Variants in SHROOM3 observed in about 807,000 individuals in gnomAD.
The protein encoded by SHROOM3 is shroom family member 3.
A neutral mutation model predicts 138.6 loss-of-function variants in SHROOM3; 47 were observed. That is an observed-to-expected ratio of 0.34 (90% CI 0.27 to 0.43). The LOEUF is 0.43. Among genes scored for constraint, SHROOM3 ranks in the 20% least tolerant of loss-of-function variants. SHROOM3 has a pLI of 1.00. For missense variants in SHROOM3, 2,491 were observed against 2,596.5 expected (o/e 0.96, Z 0.88); for synonymous variants, 1,062 against 1,063.3 (o/e 1.00, Z 0.02).
intron 2 of SHROOM3, among the ~76,000 whole-genome samples, chr4:76,608,564 GCA>G (rs1734675136): frequency 2.0e-5 from 3 of 147,768 alleles, no homozygotes; most frequent in Admixed American, 6.8e-5. Flanking sequence ...GCATAGCATA[GCA>G]TAGCATAGCA....
intron 10 of SHROOM3, among the ~76,000 whole-genome samples, chr4:76,777,003 TGTA>T (rs1188881327): frequency 2.6e-5 from 4 of 152,340 alleles, no homozygotes; most frequent in African/African-American, 2.4e-5. Flanking sequence ...ACTGTGGCCT[TGTA>T]GTATAGTTTG....
chr4:76,479,375 G>T (rs993744193), intron 1 of SHROOM3, among the ~76,000 whole-genome samples: 5 of 151,740 alleles, frequency 3.3e-5, no homozygotes, highest in Middle Eastern at 3.4e-3. Flanking sequence ...CAGAAGAAAG[G>T]ATATCAGAGA....
intron 5 of SHROOM3, chr4:76,742,196 C>T (rs1721286622): frequency 2.0e-6 from 1 of 511,716 alleles, no homozygotes; most frequent in Non-Finnish European, 3.5e-6. Context: ...CACCACCTCT[C>T]AATGGAAAAA....
intron 5 of SHROOM3, among the ~76,000 whole-genome samples, chr4:76,747,953 A>C (rs1721496806): frequency 6.6e-6 from 1 of 152,174 alleles, no homozygotes; most frequent in African/African-American, 2.4e-5. Context: ...CTGAGCTGCA[A>C]TTACATACCC....
At chr4:76,555,848 CGGGGTTGGTAGCTT>C in intron 2 of SHROOM3, 85 bp downstream of exon 2, 1 of 1,489,484 alleles carries the variant, frequency 6.7e-7, no homozygotes, top group Admixed American at 1.9e-5. Flanking sequence ...GAAAAGAGCT[CGGGGTTGGTAGCTT>C]GGCTTTAAAC....
chr4:76,764,210 C>T (rs527882854), intron 9 of SHROOM3, among the ~76,000 whole-genome samples: 34 of 152,178 alleles, frequency 2.2e-4, no homozygotes, highest in Middle Eastern at 6.8e-3. Context: ...ATGAAACTTC[C>T]ATTGTCTGAA....
intron 9 of SHROOM3, among the ~76,000 whole-genome samples, chr4:76,760,036 C>A (rs1388162509): frequency 6.6e-6 from 1 of 152,244 alleles, no homozygotes; most frequent in Admixed American, 6.5e-5. Context: ...CTGTTCTCAG[C>A]TGCTGGTTGG....
Position 76,458,245 on chromosome 4 carries a change from A to G in SHROOM3, c.168+22025A>G, listed in dbSNP as rs953702629. Among the ~76,000 whole-genome samples, 3 of 152,204 alleles carry G rather than the reference A, an allele frequency of 2.0e-5. No homozygotes were observed. The East Asian group carries it at 5.8e-4, about 29-fold the overall frequency. ...GTTGCCAAGTAACATGCCTAGTACA[A>G]TCCCAGTTTTATTTACTTACATGTT... On this transcript the variant is annotated intron_variant, in intron 1 of 10. Coordinates refer to ENST00000296043, the MANE Select transcript of SHROOM3 (RefSeq NM_020859.4).
chr4:76,588,372 C>T (rs1238735096), intron 2 of SHROOM3, among the ~76,000 whole-genome samples: 2 of 152,160 alleles, frequency 1.3e-5, no homozygotes, highest in African/African-American at 4.8e-5. Context: ...TAAAAGCCTC[C>T]TTCCAGGAAC....
chr4:76,580,014 G>T (rs1389176537), intron 2 of SHROOM3, among the ~76,000 whole-genome samples: 1 of 152,210 alleles, frequency 6.6e-6, no homozygotes, highest in Non-Finnish European at 1.5e-5. Context: ...TGGCACATGG[G>T]TTTGTTAGTC....
chr4:76,638,028 A>C (rs539857526), intron 2 of SHROOM3, among the ~76,000 whole-genome samples: 1 of 152,198 alleles, frequency 6.6e-6, no homozygotes, highest in Non-Finnish European at 1.5e-5. Flanking sequence ...TGGGGTGACT[A>C]TGAGCTGGAC....
chr4:76,633,432 G>A (rs1283511163), intron 2 of SHROOM3, among the ~76,000 whole-genome samples: 2 of 151,658 alleles, frequency 1.3e-5, no homozygotes, highest in Non-Finnish European at 1.5e-5. Flanking sequence ...CAAGGCAGGC[G>A]GATCACGAGG....
At chr4:76,624,610 C>CT in intron 2 of SHROOM3, among the ~76,000 whole-genome samples, 1 of 152,232 alleles carries the variant, frequency 6.6e-6, no homozygotes, top group South Asian at 2.1e-4. Flanking sequence ...TGGCGACTCT[C>CT]TGTTACGTTT....
chr4:76,667,319 T>C (rs966297816), intron 2 of SHROOM3, among the ~76,000 whole-genome samples: 12 of 152,092 alleles, frequency 7.9e-5, no homozygotes, highest in African/African-American at 2.4e-4. Context: ...TTTTTTCTTT[T>C]GTTTTGTTTC....
chr4:76,436,102 C>G lies in SHROOM3; in HGVS notation c.50C>G (p.Ser17Cys), dbSNP rs772290620. ...CACAAGCCTAGTGCCACATTAAACT[C>G]TAACACGGCCACCAAGGGAAGGTAC... ...DFHKPSATLN[S>C]NTATKGRYIY... The change falls in exon 1 of 11, where the codon TCT becomes TGT. Residue 17 changes from serine (S) to cysteine (C), a missense_variant. By Grantham distance (112) the Ser-to-Cys change is moderately radical. Transcript: ENST00000296043. The G allele has an allele frequency of 1.2e-6, 2 of 1,614,026 alleles. No homozygotes were observed. The highest frequency in any genetic ancestry group is 1.1e-5 in the South Asian group (1 of 91,068).
intron 1 of SHROOM3, among the ~76,000 whole-genome samples, chr4:76,528,009 C>T (rs1732737482): frequency 1.3e-5 from 2 of 152,190 alleles, no homozygotes; most frequent in Admixed American, 6.5e-5. Context: ...ACTACATCTT[C>T]TTAAAAAGTT....
intron 2 of SHROOM3, among the ~76,000 whole-genome samples, chr4:76,631,050 G>A (rs1475576155): frequency 6.6e-6 from 1 of 152,090 alleles, no homozygotes; most frequent in African/African-American, 2.4e-5. Flanking sequence ...AGTCTTATAG[G>A]GGTATGCAGA....
intron 1 of SHROOM3, among the ~76,000 whole-genome samples, chr4:76,538,916 C>G (rs1302348271): frequency 6.6e-6 from 1 of 152,108 alleles, no homozygotes; most frequent in Non-Finnish European, 1.5e-5. Context: ...TGCAGCCTTT[C>G]CTTGATCACT....
intron 1 of SHROOM3, among the ~76,000 whole-genome samples, chr4:76,518,948 C>T (rs1732505340): frequency 6.6e-6 from 1 of 152,144 alleles, no homozygotes; most frequent in Admixed American, 6.6e-5. Flanking sequence ...CTAGGAGTCT[C>T]CTTCTCCTAA....
Sources: gnomAD v4.1 joint callset for allele counts (sites outside exome capture counted in the v4.1 genomes callset) on GRCh38, gnomAD v4.1.1 for gene constraint, MANE v1.5 for transcripts, NCBI Gene and HGNC (gene_info 2026-07-23, HGNC 2026-07-21) for gene names.